Variants in DLGAP4 observed in about 807,000 individuals in gnomAD.
DLGAP4 encodes DLG associated protein 4, also known as disks large-associated protein 4.
Under a neutral mutation model 86.9 loss-of-function variants are expected in DLGAP4, and 18 were observed. The observed-to-expected ratio is 0.21, with a 90% confidence interval of 0.14 to 0.31. The LOEUF is 0.31. DLGAP4 is among the 10% of genes least tolerant of loss of function. The pLI is 1.00. For missense variants in DLGAP4, 1,085 were observed against 1,362.6 expected (o/e 0.80, Z 3.21); for synonymous variants, 548 against 574.3 (o/e 0.95, Z 0.65).
At chr20:36,460,666 C>T (rs7351752) in intron 7 of DLGAP4, among the ~76,000 whole-genome samples, 1 of 152,200 alleles carries the variant, frequency 6.6e-6, no homozygotes, top group Non-Finnish European at 1.5e-5. Flanking sequence ...GCCCACAAGG[C>T]AGCGACAGGA....
In DLGAP4 at chr20:36,446,854, C is replaced by T. The variant is rs780267140; in HGVS notation, c.1565C>T (p.Ser522Leu). The part of the protein sequence containing the change: ...SYLRAIQAGC[S>L]QEEDSVSLQS... ...CTGCGTGCCATCCAGGCAGGCTGCT[C>T]GCAGGAGGAGGACAGTGTCTCCCTG... is the stretch of plus-strand genomic sequence containing the variant. The change falls in exon 7 of 13, where the codon TCG (serine) becomes TTG (leucine). Residue 522 changes from serine (S) to leucine (L), a missense_variant. This residue lies in a region of DLGAP4 where 1,082 missense variants were observed against 1,344.1 expected (regional missense o/e 0.81). Transcript: ENST00000339266. 37 of 1,613,000 alleles carry T rather than the reference C, an allele frequency of 2.3e-5. 1 individual carries two copies. Among genetic ancestry groups the T allele is most frequent in the Non-Finnish European group, 2.8e-5 (33 of 1,179,892 alleles).
intron 2 of DLGAP4, among the ~76,000 whole-genome samples, chr20:36,388,161 G>C (rs1369523315): frequency 6.6e-6 from 1 of 152,218 alleles, no homozygotes; most frequent in African/African-American, 2.4e-5. Context: ...TATGTGGCTT[G>C]ATATCTGGTA....
At chr20:36,468,568 A>G (rs1322415286) in intron 7 of DLGAP4, among the ~76,000 whole-genome samples, 1 of 152,242 alleles carries the variant, frequency 6.6e-6, no homozygotes, top group Admixed American at 6.5e-5. Flanking sequence ...TCTGAACACA[A>G]ACTTGGTCAT....
Position 36,524,352 on chromosome 20 carries a change from T to C in DLGAP4, c.2604+11T>C. Reference sequence around the variant, plus strand: ...TGTGAGCAAAACTTGGTGAGTGTGATTCTCCTTCCTCCACAGCAGGGCTTC... The same window carrying C: ...TGTGAGCAAAACTTGGTGAGTGTGACTCTCCTTCCTCCACAGCAGGGCTTC... On this transcript the variant is annotated intron_variant, in intron 11 of 12. Coordinates refer to ENST00000339266, the MANE Select transcript of DLGAP4 (RefSeq NM_001365621.2). 6.2e-7 allele frequency: 1 copy of C among 1,608,930 alleles called. No homozygotes were observed.
chr20:36,357,996 C>T (rs948842072), intron 1 of DLGAP4, among the ~76,000 whole-genome samples: 7 of 152,194 alleles, frequency 4.6e-5, no homozygotes, highest in Non-Finnish European at 8.8e-5. Flanking sequence ...CTGAGTGAAC[C>T]TTCCCAAGAA....
chr20:36,313,160 G>A lies in DLGAP4; in HGVS notation c.-304+6648G>A, dbSNP rs970409711. ...TTCCAGCTCCTGTCATGGGGAGGGA[G>A]CCTTTCCTTCCCCCACTGCAGGCTG... On this transcript the variant is annotated intron_variant, in intron 1 of 12. Transcript: ENST00000339266. 2.0e-5 allele frequency among the ~76,000 whole-genome samples: 3 copies of A among 152,138 alleles called. No homozygotes were observed. In the East Asian group the frequency reaches 5.8e-4, roughly 29 times the overall value.
intron 2 of DLGAP4, among the ~76,000 whole-genome samples, chr20:36,426,450 G>A (rs1039144946): frequency 6.6e-6 from 1 of 152,138 alleles, no homozygotes; most frequent in African/African-American, 2.4e-5. Flanking sequence ...AGGAGGCAGA[G>A]GTTGCAGTGA....
rs1006098275 is a variant in DLGAP4 at position 36,306,708 on chromosome 20, G to T, written c.-304+196G>T. 6.6e-6 allele frequency among the ~76,000 whole-genome samples: 1 copy of T among 152,182 alleles called. No individual in the cohort carries two copies. Among genetic ancestry groups the T allele is most frequent in the East Asian group, 1.9e-4 (1 of 5,176 alleles). The stretch of plus-strand genomic sequence containing the variant: ...CCGGGTCCGAGGGGCCGGCTGTGCG[G>T]CTGGGAAGCGCCTTCTCCGGTTGGG... On this transcript the variant is annotated intron_variant, in intron 1 of 12. Transcript: ENST00000339266. This position sits in a 1 kb window ranked among gnomAD's most constrained non-coding sequence, Gnocchi z 4.9.
intron 5 of DLGAP4, among the ~76,000 whole-genome samples, chr20:36,440,921 C>A (rs2033429023): frequency 6.6e-6 from 1 of 152,058 alleles, no homozygotes; most frequent in Non-Finnish European, 1.5e-5. Flanking sequence ...GCTTTGGGAC[C>A]CCGACTCCTC....
chr20:36,496,167 C>T (rs755666764), intron 7 of DLGAP4, among the ~76,000 whole-genome samples: 5 of 152,054 alleles, frequency 3.3e-5, no homozygotes, highest in South Asian at 2.1e-4. Context: ...CCACTGCGCC[C>T]GGCCAGATGT....
At chr20:36,351,994 G>A (rs530361024) in intron 1 of DLGAP4, among the ~76,000 whole-genome samples, 6 of 152,302 alleles carry the variant, frequency 3.9e-5, no homozygotes, top group Admixed American at 3.9e-4. Flanking sequence ...GCCCAGGCAG[G>A]TGAGACAGGG....
At position 36,432,139 on chromosome 20, in the gene DLGAP4, A is replaced by C. The variant is rs534083247; in HGVS notation, c.422A>C (p.His141Pro). ...ARGESPGRIR[H>P]LVHSVQRLFF... ...GGTGAGAGCCCTGGCCGCATCCGCC[A>C]CCTGGTCCACTCAGTCCAGCGGCTT... The change falls in exon 3 of 13, where the codon CAC (histidine) becomes CCC (proline). Residue 141 changes from histidine (H) to proline (P), a missense_variant. Around this residue, in one of 2 missense-constraint regions of DLGAP4, gnomAD observed 1,082 missense variants for 1,344.1 expected, o/e 0.81. Transcript: ENST00000339266. The surrounding 1 kb of genome is among the most constrained non-coding windows in gnomAD (Gnocchi z 6.5). The C allele has an allele frequency of 6.2e-7, 1 of 1,614,128 alleles. No individual in the cohort carries two copies. The highest frequency in any genetic ancestry group is 2.2e-5 in the East Asian group (1 of 44,858).
chr20:36,461,332 CG>C (rs1222556254), intron 7 of DLGAP4: 2 of 448,790 alleles, frequency 4.5e-6, no homozygotes, highest in African/African-American at 4.3e-5. Context: ...CTGCGCGCGC[CG>C]GGCCACATGC....
chr20:36,411,861 C>T (rs985417976), intron 2 of DLGAP4, among the ~76,000 whole-genome samples: 5 of 152,336 alleles, frequency 3.3e-5, no homozygotes, highest in Admixed American at 6.5e-5. Flanking sequence ...TTTTATGAAA[C>T]GCTCTTCCCT....
intron 2 of DLGAP4, among the ~76,000 whole-genome samples, chr20:36,407,109 G>A (rs150020535): frequency 1.3e-5 from 2 of 152,242 alleles, no homozygotes; most frequent in African/African-American, 4.8e-5. Context: ...GGAGGTTGAG[G>A]TGGGAGGATC....
intron 1 of DLGAP4, among the ~76,000 whole-genome samples, chr20:36,335,323 A>C (rs1569460299): frequency 6.6e-6 from 1 of 152,186 alleles, no homozygotes; most frequent in Non-Finnish European, 1.5e-5. Flanking sequence ...CTGGTGGGAC[A>C]CACCTGGGTT....
intron 7 of DLGAP4, among the ~76,000 whole-genome samples, chr20:36,454,274 AT>A (rs1226609426): frequency 1.4e-5 from 2 of 145,724 alleles, no homozygotes; most frequent in Non-Finnish European, 3.1e-5. Context: ...AAAAAAAAAG[AT>A]AGAAAGAAAG....
chr20:36,464,714 G>A (rs1231259535), intron 7 of DLGAP4, among the ~76,000 whole-genome samples: 1 of 152,162 alleles, frequency 6.6e-6, no homozygotes, highest in Non-Finnish European at 1.5e-5. Flanking sequence ...GCTGGGTGTG[G>A]TGGCACACGC....
chr20:36,513,849 G>A (rs1569524427), intron 10 of DLGAP4, among the ~76,000 whole-genome samples: 1 of 152,178 alleles, frequency 6.6e-6, no homozygotes, highest in Non-Finnish European at 1.5e-5. Flanking sequence ...TATAGGAAAT[G>A]TCGATCTGGG....
Sources: gnomAD v4.1 joint callset for allele counts (sites outside exome capture counted in the v4.1 genomes callset) on GRCh38, gnomAD v4.1.1 for gene constraint, gnomAD v4.1.1 regional missense constraint, Gnocchi (gnomAD v3.1) non-coding constraint, MANE v1.5 for transcripts, NCBI Gene and HGNC (gene_info 2026-07-23, HGNC 2026-07-21) for gene names.